The following UBAC2 variants were observed in gnomAD, a reference collection of about 807,000 sequenced individuals.
The protein encoded by UBAC2 is ubiquitin-associated domain-containing protein 2.
Under a neutral mutation model 44.0 loss-of-function variants are expected in UBAC2, and 26 were observed. The observed-to-expected ratio is 0.59, with a 90% CI of 0.43 to 0.82. The LOEUF (loss-of-function observed/expected upper bound fraction) is 0.82, where lower values mean the gene tolerates loss of function less well. Ranked by LOEUF, UBAC2 falls within the 40% of genes least tolerant of loss-of-function variation. The pLI is 0.00. For missense variants in UBAC2, 329 were observed against 419.4 expected, an observed-to-expected ratio of 0.78 and a Z score of 1.88; for synonymous variants, 155 against 154.3, an observed-to-expected ratio of 1.00 and a Z score of -0.04.
chr13:99,202,845 A>G (rs1013850191), intron 1 of UBAC2, among the ~76,000 whole-genome samples: 1 of 152,080 alleles, frequency 6.6e-6, no homozygotes, highest in Non-Finnish European at 1.5e-5. Flanking sequence ...CTGGGCGATG[A>G]ACTGGGCTAG....
intron 8 of UBAC2, 56 bp downstream of exon 8, chr13:99,367,962 C>G: frequency 1.3e-6 from 2 of 1,579,852 alleles, no homozygotes; most frequent in Non-Finnish European, 1.7e-6. Flanking sequence ...AGAGTTGAAG[C>G]AGTTTCGATC....
chr13:99,344,648 G>T (rs941120689), intron 7 of UBAC2, among the ~76,000 whole-genome samples: 3 of 152,068 alleles, frequency 2.0e-5, no homozygotes, highest in Admixed American at 1.3e-4. Flanking sequence ...TTCATTTCAG[G>T]TATTCCAAAA....
chr13:99,384,075 G>T (rs2045587210), intron 8 of UBAC2, among the ~76,000 whole-genome samples: 1 of 152,142 alleles, frequency 6.6e-6, no homozygotes. Flanking sequence ...GCCACCCCAT[G>T]CCATAGTCCC....
intron 1 of UBAC2, among the ~76,000 whole-genome samples, chr13:99,235,671 C>T (rs999595346): frequency 3.3e-5 from 5 of 152,174 alleles, no homozygotes; most frequent in African/African-American, 9.6e-5. Flanking sequence ...AAACGACAGT[C>T]CCTTCAAAAA....
rs114513391 is a variant in UBAC2 at position 99,374,957 on chromosome 13, A to T, written c.927+7051A>T. Among the ~76,000 whole-genome samples the T allele has an allele frequency of 4.5e-3, 682 of 152,346 alleles. 5 individuals carry two copies. Among genetic ancestry groups the T allele is most frequent in the African/African-American group, 0.015 (629 of 41,580 alleles). ...CAGAACTCTTGTTTTCACATAAAAA[A>T]TGTGCTAGAGAGTGGTATTATGCCA... On this transcript the variant is annotated intron_variant, in intron 8 of 8. Transcript: ENST00000403766.
At chr13:99,322,325 G>A (rs1341528384) in intron 6 of UBAC2, among the ~76,000 whole-genome samples, 1 of 152,102 alleles carries the variant, frequency 6.6e-6, no homozygotes, top group East Asian at 1.9e-4. Context: ...GAGCTTTTGA[G>A]CCATCTACAT....
chr13:99,304,853 C>G (rs939237901), intron 4 of UBAC2, among the ~76,000 whole-genome samples: 1 of 152,162 alleles, frequency 6.6e-6, no homozygotes, highest in Non-Finnish European at 1.5e-5. Context: ...CTATTTCCGA[C>G]GTGATCTGCT....
intron 7 of UBAC2, among the ~76,000 whole-genome samples, chr13:99,352,954 G>A (rs1032583654): frequency 2.0e-5 from 3 of 152,140 alleles, no homozygotes; most frequent in Non-Finnish European, 2.9e-5. Flanking sequence ...CAAAGGGAGC[G>A]AATTCTCATG....
chr13:99,312,303 G>A lies in UBAC2; in HGVS notation c.390-1794G>A, dbSNP rs551011680. Among the ~76,000 whole-genome samples, 17 of 152,270 alleles carry A rather than the reference G, an allele frequency of 1.1e-4. No individual in the cohort carries two copies. The South Asian group carries it at 2.1e-3, about 19-fold the overall frequency. ...GAAACATATGTTTTGCATTTTTCTC[G>A]TGATAATGAAATAATTCTTTTTTTT... is the stretch of plus-strand genomic sequence containing the variant. On this transcript the variant is annotated intron_variant, in intron 4 of 8. Coordinates refer to ENST00000403766, the MANE Select transcript of UBAC2 (RefSeq NM_001144072.2).
intron 6 of UBAC2, among the ~76,000 whole-genome samples, chr13:99,336,815 A>G (rs1232355883): frequency 6.6e-6 from 1 of 152,148 alleles, no homozygotes; most frequent in Non-Finnish European, 1.5e-5. Context: ...TAACTGTCAC[A>G]AAGCCTTGCA....
At chr13:99,313,528 T>G (rs1335464269) in intron 4 of UBAC2, 1 of 151,796 alleles carries the variant, frequency 6.6e-6, no homozygotes, top group Non-Finnish European at 1.5e-5. Flanking sequence ...GGGTTGAGAT[T>G]GTATGAGGAG....
At chr13:99,286,320 T>A (rs2138696912) in intron 4 of UBAC2, among the ~76,000 whole-genome samples, 1 of 152,330 alleles carries the variant, frequency 6.6e-6, no homozygotes, top group East Asian at 1.9e-4. Flanking sequence ...GGGACATAGT[T>A]CTTCCTTGTG....
At chr13:99,296,297 T>G (rs1403422514) in intron 4 of UBAC2, 26 of 571,502 alleles carry the variant, frequency 4.5e-5, no homozygotes, top group African/African-American at 2.3e-4. Context: ...GTTTTAAAAT[T>G]TCATGACATG....
intron 1 of UBAC2, among the ~76,000 whole-genome samples, chr13:99,208,410 C>T (rs2042900200): frequency 1.3e-5 from 2 of 152,320 alleles, no homozygotes; most frequent in South Asian, 4.1e-4. Context: ...CAGATACTTA[C>T]TGAGCACTCC....
intron 1 of UBAC2, chr13:99,234,348 CG>C: frequency 3.0e-6 from 1 of 332,508 alleles, no homozygotes; most frequent in Non-Finnish European, 6.4e-6. Flanking sequence ...CCACCACGCC[CG>C]GGTAATTTTT....
At chr13:99,305,347 C>G (rs2044316905) in intron 4 of UBAC2, among the ~76,000 whole-genome samples, 1 of 151,702 alleles carries the variant, frequency 6.6e-6, no homozygotes. Context: ...GATAAACCCC[C>G]CAGACTGGAG....
intron 5 of UBAC2, among the ~76,000 whole-genome samples, chr13:99,316,613 C>G (rs953319544): frequency 6.6e-6 from 1 of 152,202 alleles, no homozygotes; most frequent in African/African-American, 2.4e-5. Context: ...AGCCCCTGTC[C>G]TCAAGGAGCC....
chr13:99,300,126 A>G (rs1201321128), intron 4 of UBAC2, among the ~76,000 whole-genome samples: 1 of 152,206 alleles, frequency 6.6e-6, no homozygotes, highest in Non-Finnish European at 1.5e-5. Flanking sequence ...TTCTAAGGGC[A>G]GGGGGTGCCC....
At chr13:99,349,629 G>A (rs375638410) in intron 7 of UBAC2, among the ~76,000 whole-genome samples, 24 of 152,296 alleles carry the variant, frequency 1.6e-4, no homozygotes, top group African/African-American at 5.1e-4. Context: ...TTAGGTAGCC[G>A]AAGCTGAGAG....
Sources: allele counts gnomAD v4.1 joint callset (sites outside exome capture counted in the v4.1 genomes callset), GRCh38; gene constraint gnomAD v4.1.1; transcripts MANE v1.5; gene names NCBI Gene and HGNC (gene_info 2026-07-23, HGNC 2026-07-21).